Variants in THEMIS observed in about 807,000 individuals in gnomAD.
THEMIS encodes protein THEMIS.
A neutral mutation model predicts 52.6 loss-of-function variants in THEMIS; 37 were observed. That is an observed-to-expected ratio of 0.70 (90% CI 0.54 to 0.93). THEMIS has a LOEUF of 0.93. Among genes scored for constraint, THEMIS ranks in the 40% least tolerant of loss-of-function variants. THEMIS has a pLI of 0.00. For missense variants in THEMIS, 808 were observed against 763.1 expected (o/e 1.06, Z -0.69); for synonymous variants, 292 against 272.7 (o/e 1.07, Z -0.70).
At chr6:127,823,291 A>G (rs1000512120) in intron 3 of THEMIS, among the ~76,000 whole-genome samples, 1 of 152,160 alleles carries the variant, frequency 6.6e-6, no homozygotes, top group Non-Finnish European at 1.5e-5. Context: ...CATTGCGAAA[A>G]GCATCACTAA....
upstream of THEMIS, among the ~76,000 whole-genome samples, chr6:127,903,495 A>G (rs1169441310): frequency 1.3e-5 from 2 of 152,076 alleles, no homozygotes; most frequent in African/African-American, 4.8e-5. Context: ...TATTCAACAA[A>G]TGGTTGTTAA....
intron 1 of THEMIS, among the ~76,000 whole-genome samples, chr6:127,916,538 C>T (rs1005485219): frequency 8.5e-5 from 13 of 152,140 alleles, no homozygotes; most frequent in African/African-American, 2.9e-4. Context: ...ATGATCAAAG[C>T]TAGAACTGTA....
At chr6:127,897,751 C>T (rs994966748) in intron 1 of THEMIS, among the ~76,000 whole-genome samples, 5 of 151,500 alleles carry the variant, frequency 3.3e-5, no homozygotes, top group African/African-American at 9.7e-5. Flanking sequence ...GGTGAATGTA[C>T]ACACACAATA....
intron 1 of THEMIS, among the ~76,000 whole-genome samples, chr6:127,908,207 G>A (rs1364386952): frequency 2.0e-5 from 3 of 151,946 alleles, no homozygotes; most frequent in African/African-American, 7.3e-5. Flanking sequence ...TGTCCTTTCA[G>A]CAAACCACTG....
chr6:127,915,308 C>T (rs552068791), intron 1 of THEMIS, among the ~76,000 whole-genome samples: 18 of 152,188 alleles, frequency 1.2e-4, no homozygotes, highest in East Asian at 3.9e-4. Context: ...TATAATCATG[C>T]GCTAAAGACC....
At chr6:127,738,939 C>T (rs1298869260) in intron 4 of THEMIS, among the ~76,000 whole-genome samples, 1 of 152,116 alleles carries the variant, frequency 6.6e-6, no homozygotes, top group African/African-American at 2.4e-5. Context: ...AGCCAATTAC[C>T]ACAAACAGGG....
intron 4 of THEMIS, among the ~76,000 whole-genome samples, chr6:127,796,442 C>T (rs1777332505): frequency 6.6e-6 from 1 of 152,090 alleles, no homozygotes; most frequent in African/African-American, 2.4e-5. Context: ...GCACTAAAGA[C>T]CAGATCAACC....
At chr6:127,699,128 G>A in the THEMIS span, among the ~76,000 whole-genome samples, 1 of 151,694 alleles carries the variant, frequency 6.6e-6, no homozygotes, top group African/African-American at 2.4e-5. Context: ...AGGAAATCTA[G>A]TCTCTTTCAA....
chr6:127,833,028 C>T (rs1377335296), intron 2 of THEMIS, among the ~76,000 whole-genome samples: 2 of 151,832 alleles, frequency 1.3e-5, no homozygotes, highest in East Asian at 1.9e-4. Context: ...AGGTGATCTG[C>T]CCGCCTCAGC....
intron 1 of THEMIS, among the ~76,000 whole-genome samples, chr6:127,917,326 T>C (rs1211361964): frequency 2.6e-5 from 4 of 152,176 alleles, no homozygotes; most frequent in Non-Finnish European, 5.9e-5. Flanking sequence ...AACTTCTATA[T>C]CAATTAGGAT....
intron 1 of THEMIS, among the ~76,000 whole-genome samples, chr6:127,862,734 C>A (rs961219573): frequency 6.6e-6 from 1 of 151,878 alleles, no homozygotes; most frequent in African/African-American, 2.4e-5. Flanking sequence ...GAGATGAATT[C>A]TATGCATTCT....
chr6:127,911,881 T>C (rs1250983375), intron 1 of THEMIS, among the ~76,000 whole-genome samples: 1 of 151,494 alleles, frequency 6.6e-6, no homozygotes, highest in East Asian at 1.9e-4. Flanking sequence ...AAGGGGGCCA[T>C]TGTCCTTCAG....
intron 3 of THEMIS, among the ~76,000 whole-genome samples, chr6:127,823,263 G>C (rs1419508103): frequency 1.3e-5 from 2 of 152,034 alleles, no homozygotes; most frequent in African/African-American, 2.4e-5. Context: ...TCATGTTGTC[G>C]TAGTATTTTC....
intron 1 of THEMIS, among the ~76,000 whole-genome samples, chr6:127,881,584 T>G (rs1780486394): frequency 1.3e-5 from 2 of 152,008 alleles, no homozygotes; most frequent in Non-Finnish European, 2.9e-5. Context: ...CATACTCCAT[T>G]GTACAAAAAT....
chr6:127,696,923 T>G, the THEMIS span, among the ~76,000 whole-genome samples: 1 of 152,120 alleles, frequency 6.6e-6, no homozygotes, highest in Admixed American at 6.5e-5. Context: ...ACAGTCACAT[T>G]CTGAGGCACT....
intron 4 of THEMIS, among the ~76,000 whole-genome samples, chr6:127,760,119 C>T (rs1460644609): frequency 1.4e-5 from 2 of 145,930 alleles, no homozygotes; most frequent in Non-Finnish European, 3.0e-5. Flanking sequence ...CTAGTTTTCT[C>T]AACACTATTT....
At chr6:127,702,426 A>G in the THEMIS span, among the ~76,000 whole-genome samples, 2,515 of 152,222 alleles carry the variant, frequency 0.017, 34 homozygotes, top group South Asian at 0.028. Flanking sequence ...ATATTACTTC[A>G]CTTCTGCCTT....
At chr6:127,727,566 T>G (rs187134336) in intron 4 of THEMIS, among the ~76,000 whole-genome samples, 77 of 152,236 alleles carry the variant, frequency 5.1e-4, no homozygotes, top group Middle Eastern at 3.4e-3. Flanking sequence ...CATCTTAGCC[T>G]TCTGAGTATT....
chr6:127,731,298 T>C (rs552675886), intron 4 of THEMIS, among the ~76,000 whole-genome samples: 1 of 152,298 alleles, frequency 6.6e-6, no homozygotes, highest in East Asian at 1.9e-4. Context: ...AGGGACAGAA[T>C]AATGGCTTCT....
Sources: gnomAD v4.1 joint callset for allele counts (sites outside exome capture counted in the v4.1 genomes callset) on GRCh38, gnomAD v4.1.1 for gene constraint, MANE v1.5 for transcripts, NCBI Gene and HGNC (gene_info 2026-07-23, HGNC 2026-07-21) for gene names.